Variants in ALPK1 observed in about 807,000 individuals in gnomAD.
ALPK1 encodes the protein alpha kinase 1.
Under a neutral mutation model 120.6 loss-of-function variants are expected in ALPK1, and 110 were observed. That is an observed-to-expected ratio of 0.91 (90% CI 0.78 to 1.07). ALPK1 has a LOEUF of 1.07. Ranked by LOEUF, ALPK1 falls within the 50% of genes least tolerant of loss-of-function variation. The pLI is 0.00. For missense variants in ALPK1, 1,498 were observed against 1,483.9 expected (o/e 1.01, Z -0.16); for synonymous variants, 582 against 560.3 (o/e 1.04, Z -0.55).
In ALPK1 at chr4:112,441,367, C is replaced by T. The variant is rs969669726; in HGVS notation, c.*157C>T. The T allele has an allele frequency of 5.5e-6, 4 of 732,642 alleles. No individual in the cohort carries two copies. In the African/African-American group the frequency reaches 6.9e-5, roughly 13 times the overall value. 45.4% of individuals were successfully genotyped at this position (732,642 alleles called of 1,614,324 possible). On this transcript the variant is annotated 3_prime_UTR_variant, in exon 16 of 16. Coordinates refer to ENST00000650871, the MANE Select transcript of ALPK1 (RefSeq NM_025144.4). ...GCCTCTTTCCCTCTGCCACAGTTAT[C>T]AAGAATGGGTCAGGAGACCGCTGCT...
chr4:112,434,542 C>T (rs1365966637), intron 11 of ALPK1, among the ~76,000 whole-genome samples: 1 of 152,252 alleles, frequency 6.6e-6, no homozygotes, highest in African/African-American at 2.4e-5. Context: ...TCTTGCTTAG[C>T]ACTGTTCTTC....
chr4:112,336,267 A>C (rs1244669866), intron 2 of ALPK1, among the ~76,000 whole-genome samples: 1 of 152,210 alleles, frequency 6.6e-6, no homozygotes, highest in African/African-American at 2.4e-5. Flanking sequence ...CAGTGGAGAT[A>C]GGTGAGGAAG....
chr4:112,353,414 T>C (rs1193475715), intron 2 of ALPK1, among the ~76,000 whole-genome samples: 6 of 152,198 alleles, frequency 3.9e-5, no homozygotes, highest in Non-Finnish European at 5.9e-5. Flanking sequence ...TTCTCTAAAT[T>C]AGAGTATATA....
chr4:112,402,559 A>G (rs1354971318), intron 4 of ALPK1, among the ~76,000 whole-genome samples: 2 of 152,192 alleles, frequency 1.3e-5, no homozygotes, highest in Admixed American at 1.3e-4. Context: ...TGCCTTAAAC[A>G]CAATTAGAAC....
intron 11 of ALPK1, among the ~76,000 whole-genome samples, chr4:112,433,731 A>G (rs994075226): frequency 6.6e-6 from 1 of 152,202 alleles, no homozygotes; most frequent in African/African-American, 2.4e-5. Flanking sequence ...TGATTAAAAA[A>G]ACAAAAAGAT....
intron 2 of ALPK1, among the ~76,000 whole-genome samples, chr4:112,318,068 A>C (rs1468006495): frequency 1.3e-5 from 2 of 152,218 alleles, no homozygotes; most frequent in African/African-American, 4.8e-5. Context: ...ATTTATACTA[A>C]GTGAGTAGAA....
At chr4:112,439,976 G>C (rs765773357) in intron 14 of ALPK1, 104 bp downstream of exon 14, 23 of 1,046,704 alleles carry the variant, frequency 2.2e-5, no homozygotes, top group Non-Finnish European at 2.7e-5. Context: ...TCCATGTATA[G>C]GCTATTATTT....
At chr4:112,332,055 T>A (rs753890497) in intron 2 of ALPK1, among the ~76,000 whole-genome samples, 20 of 151,212 alleles carry the variant, frequency 1.3e-4, no homozygotes, top group Middle Eastern at 7.0e-3. Context: ...GTACTATTAT[T>A]ATCTTATTCA....
chr4:112,430,285 C>A (rs1396084034), intron 10 of ALPK1, among the ~76,000 whole-genome samples, 163 bp from the exon 11 acceptor site: 1 of 152,154 alleles, frequency 6.6e-6, no homozygotes, highest in African/African-American at 2.4e-5. Context: ...GCCTCGGGTC[C>A]TTAACTCAAT....
At chr4:112,352,260 T>C (rs1730395554) in intron 2 of ALPK1, among the ~76,000 whole-genome samples, 1 of 152,228 alleles carries the variant, frequency 6.6e-6, no homozygotes, top group South Asian at 2.1e-4. Flanking sequence ...GACCAAGCCA[T>C]AGATTTAAAT....
intron 2 of ALPK1, among the ~76,000 whole-genome samples, chr4:112,360,624 G>A (rs533122609): frequency 6.6e-6 from 1 of 152,254 alleles, no homozygotes; most frequent in South Asian, 2.1e-4. Context: ...GTTTTTTGCT[G>A]ATTAGTTCTG....
At chr4:112,353,296 C>T (rs1730447339) in intron 2 of ALPK1, among the ~76,000 whole-genome samples, 1 of 152,108 alleles carries the variant, frequency 6.6e-6, no homozygotes, top group Admixed American at 6.5e-5. Context: ...TTCTAATCCA[C>T]TCTCCCCATG....
chr4:112,381,313 G>A (rs1442974102), intron 3 of ALPK1, among the ~76,000 whole-genome samples: 1 of 152,168 alleles, frequency 6.6e-6, no homozygotes, highest in East Asian at 1.9e-4. Flanking sequence ...CTTAGTAAAT[G>A]GTGGTGCCAG....
chr4:112,370,898 T>G (rs4833405), intron 2 of ALPK1, among the ~76,000 whole-genome samples: 56,741 of 152,016 alleles, frequency 0.37, 10,942 homozygotes, highest in East Asian at 0.61. Flanking sequence ...GGTTTCTTAT[T>G]GTGGATGATA....
At chr4:112,376,730 A>G (rs537078238) in intron 2 of ALPK1, among the ~76,000 whole-genome samples, 2 of 152,316 alleles carry the variant, frequency 1.3e-5, no homozygotes, top group Admixed American at 6.5e-5. Context: ...CCATCCATAT[A>G]TCTGTTACTT....
chr4:112,379,552 T>C (rs1425102895), intron 3 of ALPK1, among the ~76,000 whole-genome samples: 3 of 152,208 alleles, frequency 2.0e-5, no homozygotes, highest in Admixed American at 1.3e-4. Context: ...ATCCCTTCCC[T>C]CGGCAGGTGG....
intron 2 of ALPK1, chr4:112,358,834 C>A: frequency 1.2e-6 from 1 of 809,042 alleles, no homozygotes; most frequent in Non-Finnish European, 2.2e-6. Context: ...GCCACCTTCA[C>A]CCAGGCCCTG....
chr4:112,338,363 A>G (rs1239715863), intron 2 of ALPK1, among the ~76,000 whole-genome samples: 1 of 152,216 alleles, frequency 6.6e-6, no homozygotes, highest in Non-Finnish European at 1.5e-5. Flanking sequence ...ATCTACCCAA[A>G]AAGCATAGAG....
intron 2 of ALPK1, chr4:112,357,699 C>T (rs776050975): frequency 4.7e-5 from 74 of 1,576,778 alleles, no homozygotes; most frequent in Admixed American, 6.7e-5. Flanking sequence ...AGTTGAGCTC[C>T]GCGTTTGACA....
Sources: gnomAD v4.1 joint callset for allele counts (sites outside exome capture counted in the v4.1 genomes callset) on GRCh38, gnomAD v4.1.1 for gene constraint, MANE v1.5 for transcripts, NCBI Gene and HGNC (gene_info 2026-07-23, HGNC 2026-07-21) for gene names.